Variants in KCNMA1 observed in about 807,000 individuals in gnomAD.
The protein encoded by KCNMA1 is Calcium-activated potassium channel subunit alpha-1.
KCNMA1 carries 29 observed loss-of-function variants against 140.0 expected under a neutral mutation model. That is an observed-to-expected ratio of 0.21 (90% CI 0.15 to 0.28). The LOEUF (loss-of-function observed/expected upper bound fraction) is 0.28, where lower values mean the gene tolerates loss of function less well. KCNMA1 is among the 10% of genes least tolerant of loss of function. The pLI is 1.00. For missense variants in KCNMA1, 880 were observed against 1,602.2 expected, an observed-to-expected ratio of 0.55 and a Z score of 7.70; for synonymous variants, 612 against 611.9, an observed-to-expected ratio of 1.00 and a Z score of 0.00.
rs1554960623 is a variant in KCNMA1, at chr10:76,941,018, G to GAAGGAAGGAAGA, written c.2902+3754_2902+3755insTCTTCCTTCCTT. Among the ~76,000 whole-genome samples the GAAGGAAGGAAGA allele has an allele frequency of 1.2e-3, 46 of 38,252 alleles. No homozygotes were observed. The South Asian group carries it at 0.016, about 13-fold the overall frequency. The allele number at this position is 38,252 out of a possible 152,430, so 25.1% of individuals were successfully genotyped here. ...GAAAGAAAGGAAGGAAGGAAGGAAGGAAGAAAGAAAGAAAGAAAGAAAGAA... is the reference window on the plus strand; with the variant it reads ...GAAAGAAAGGAAGGAAGGAAGGAAGGAAGGAAGGAAGAAAGAAAGAAAGAAAGAAAGAAAGAA... On this transcript the variant is annotated intron_variant, in intron 23 of 27. Coordinates refer to ENST00000286628, the MANE Select transcript of KCNMA1 (RefSeq NM_001161352.2).
chr10:77,219,680 C>A (rs1484781309), intron 3 of KCNMA1, among the ~76,000 whole-genome samples: 1 of 152,080 alleles, frequency 6.6e-6, no homozygotes, highest in African/African-American at 2.4e-5. Flanking sequence ...AGTGCAGTGG[C>A]GCGATCTTGG....
intron 1 of KCNMA1, among the ~76,000 whole-genome samples, chr10:77,412,892 C>A (rs1173233049): frequency 1.3e-5 from 2 of 152,058 alleles, no homozygotes; most frequent in East Asian, 3.9e-4. Context: ...GAGTCTCACT[C>A]TGTTGCCCAG....
chr10:77,208,496 AT>A (rs2044901441), intron 3 of KCNMA1, among the ~76,000 whole-genome samples: 4 of 152,156 alleles, frequency 2.6e-5, no homozygotes, highest in Non-Finnish European at 4.4e-5. Flanking sequence ...AAAATAAATA[AT>A]AAGTAAATAA....
chr10:77,571,298 G>A (rs2071196747), intron 1 of KCNMA1, among the ~76,000 whole-genome samples: 1 of 152,166 alleles, frequency 6.6e-6, no homozygotes, highest in Non-Finnish European at 1.5e-5. Context: ...GAATGGCTGG[G>A]TTTTACCTAC....
chr10:77,033,088 C>A (rs1046377060), intron 15 of KCNMA1, among the ~76,000 whole-genome samples: 1 of 152,128 alleles, frequency 6.6e-6, no homozygotes, highest in Non-Finnish European at 1.5e-5. Flanking sequence ...CTTCAGCTAT[C>A]CAGAGGGCCC....
chr10:77,478,186 CTT>C (rs1603627795), intron 1 of KCNMA1, among the ~76,000 whole-genome samples: 1 of 152,208 alleles, frequency 6.6e-6, no homozygotes, highest in East Asian at 1.9e-4. Context: ...GGACCTCTCT[CTT>C]AGCATGTCAG....
At chr10:77,595,310 G>A (rs2080523009) in intron 1 of KCNMA1, among the ~76,000 whole-genome samples, 1 of 122,422 alleles carries the variant, frequency 8.2e-6, no homozygotes, top group Admixed American at 1.2e-4. Flanking sequence ...TCACGCCACT[G>A]CACTCCAGCC....
chr10:77,218,385 T>C (rs1488410175), intron 3 of KCNMA1, among the ~76,000 whole-genome samples: 1 of 152,208 alleles, frequency 6.6e-6, no homozygotes, highest in Admixed American at 6.5e-5. Flanking sequence ...ATTACTTGAA[T>C]GAATAAAAGA....
chr10:77,352,376 C>G (rs565176550), intron 2 of KCNMA1, among the ~76,000 whole-genome samples: 2 of 152,322 alleles, frequency 1.3e-5, no homozygotes, highest in South Asian at 4.1e-4. Context: ...TGCCCATTCC[C>G]GTTCCCTTTC....
chr10:77,304,065 G>T (rs2077121766), intron 2 of KCNMA1, among the ~76,000 whole-genome samples: 1 of 152,172 alleles, frequency 6.6e-6, no homozygotes, highest in African/African-American at 2.4e-5. Flanking sequence ...CGAAGGAATT[G>T]TGTTGATGGG....
At chr10:76,925,863 T>C (rs1335107515) in intron 23 of KCNMA1, among the ~76,000 whole-genome samples, 1 of 152,132 alleles carries the variant, frequency 6.6e-6, no homozygotes, top group African/African-American at 2.4e-5. Flanking sequence ...AAAAGATGGG[T>C]TTGCCAAGTG....
intron 3 of KCNMA1, among the ~76,000 whole-genome samples, chr10:77,212,190 A>C (rs1316993882): frequency 1.3e-5 from 2 of 152,230 alleles, no homozygotes; most frequent in East Asian, 1.9e-4. Flanking sequence ...AATACATTGA[A>C]TCAACCTAGG....
intron 19 of KCNMA1, among the ~76,000 whole-genome samples, chr10:76,982,838 T>A (rs1464461031): frequency 6.6e-6 from 1 of 152,200 alleles, no homozygotes; most frequent in African/African-American, 2.4e-5. Flanking sequence ...CACACATTCA[T>A]GCATGGAAAT....
At chr10:77,482,599 C>T (rs1449703552) in intron 1 of KCNMA1, among the ~76,000 whole-genome samples, 1 of 152,124 alleles carries the variant, frequency 6.6e-6, no homozygotes, top group Non-Finnish European at 1.5e-5. Flanking sequence ...GACCTTTTGC[C>T]TGCCCCTTCC....
At chr10:77,228,443 T>C (rs2154199023) in intron 3 of KCNMA1, among the ~76,000 whole-genome samples, 1 of 152,144 alleles carries the variant, frequency 6.6e-6, no homozygotes, top group South Asian at 2.1e-4. Context: ...AAGAGCACTA[T>C]AAAAAGCCAG....
At chr10:77,041,122 C>T (rs908014432) in intron 14 of KCNMA1, among the ~76,000 whole-genome samples, 13 of 150,890 alleles carry the variant, frequency 8.6e-5, no homozygotes, top group South Asian at 8.5e-4. Context: ...GCTGGAATTG[C>T]AGGTGTGCAC....
At chr10:77,170,865 A>G (rs2154099379) in intron 5 of KCNMA1, among the ~76,000 whole-genome samples, 1 of 152,324 alleles carries the variant, frequency 6.6e-6, no homozygotes, top group Non-Finnish European at 1.5e-5. Context: ...GAGCTATGGG[A>G]AAAGGGTTCT....
At chr10:77,321,267 T>G (rs895476504) in intron 2 of KCNMA1, among the ~76,000 whole-genome samples, 1 of 152,306 alleles carries the variant, frequency 6.6e-6, no homozygotes, top group South Asian at 2.1e-4. Flanking sequence ...ATATACCACA[T>G]GTGCCAAATA....
intron 23 of KCNMA1, among the ~76,000 whole-genome samples, chr10:76,941,116 GAGGGAAGGGA>G (rs1223512999): frequency 0.019 from 1,705 of 88,424 alleles, 60 homozygotes; most frequent in African/African-American, 0.063. Context: ...GGGAGGGAGG[GAGGGAAGGGA>G]AGGGAAGGGA....
Sources: allele counts gnomAD v4.1 joint callset (sites outside exome capture counted in the v4.1 genomes callset), GRCh38; gene constraint gnomAD v4.1.1; transcripts MANE v1.5; gene names NCBI Gene and HGNC (gene_info 2026-07-23, HGNC 2026-07-21).